The following NREP variants were observed in gnomAD, a reference collection of about 807,000 sequenced individuals.
The protein encoded by NREP is neuronal regeneration related protein, also known as neuronal regeneration-related protein.
NREP carries 5 observed loss-of-function variants against 8.6 expected under a neutral mutation model. The ratio of observed to expected loss-of-function variants is 0.58; its 90% CI spans 0.30 to 1.22. The LOEUF (loss-of-function observed/expected upper bound fraction) is 1.22, where lower values mean the gene tolerates loss of function less well. NREP is among the 50% of genes most tolerant of loss of function. NREP has a pLI of 0.07. For missense variants in NREP, 86 were observed against 82.5 expected (o/e 1.04, Z -0.17); for synonymous variants, 27 against 28.0 (o/e 0.96, Z 0.11).
rs138738482 is a variant in NREP, at chr5:111,781,348, G to A, written c.136-45841C>T. On this transcript the variant is annotated intron_variant, in intron 2 of 3. Coordinates refer to the NREP transcript ENST00000395634. ...AACAGTGCCACCCCTACGTGAGGAAGTCCATGCAACATGGAAAGGCCACGT... is the reference window on the plus strand; with the variant it reads ...AACAGTGCCACCCCTACGTGAGGAAATCCATGCAACATGGAAAGGCCACGT... Among the ~76,000 whole-genome samples, 1,480 of 152,246 alleles carry A rather than the reference G, an allele frequency of 9.7e-3. 23 individuals carry two copies. Among genetic ancestry groups the A allele is most frequent in the African/African-American group, 0.033 (1,388 of 41,556 alleles).
At chr5:111,843,872 T>C (rs1226470498) in intron 2 of NREP, among the ~76,000 whole-genome samples, 1 of 152,214 alleles carries the variant, frequency 6.6e-6, no homozygotes, top group Non-Finnish European at 1.5e-5. Context: ...AGAGCCTGGG[T>C]TCACAGAGGA....
chr5:111,771,308 C>A (rs919951695), intron 2 of NREP, among the ~76,000 whole-genome samples: 5 of 152,112 alleles, frequency 3.3e-5, no homozygotes, highest in Non-Finnish European at 7.4e-5. Context: ...TTCGTTAACT[C>A]ATTTTAACAG....
intron 2 of NREP, among the ~76,000 whole-genome samples, chr5:111,847,742 C>T (rs1753217553): frequency 1.3e-5 from 2 of 152,118 alleles, no homozygotes; most frequent in Admixed American, 1.3e-4. Flanking sequence ...CAAATGGCTC[C>T]AGCTGTTTAC....
At position 111,897,881 on chromosome 5, in the gene NREP, A is replaced by C. The variant is rs150105682; in HGVS notation, c.135+77393T>G. 4.1e-3 allele frequency among the ~76,000 whole-genome samples: 629 copies of C among 152,282 alleles called. 8 individuals are homozygous for C. Among genetic ancestry groups the C allele is most frequent in the African/African-American group, 0.014 (592 of 41,574 alleles). ...TTACCCATATTCTCACTAATCAAAG[A>C]TGAGGTAAAATTTGATTGCTTTTTT... is the stretch of plus-strand genomic sequence containing the variant. On this transcript the variant is annotated intron_variant, in intron 2 of 3. Coordinates refer to the NREP transcript ENST00000395634.
At chr5:111,763,750 CTGTA>C (rs1020936758) in intron 2 of NREP, among the ~76,000 whole-genome samples, 3 of 107,318 alleles carry the variant, frequency 2.8e-5, no homozygotes, top group African/African-American at 1.3e-4. Flanking sequence ...CCCAGTACGT[CTGTA>C]TGTGTGTGTG....
intron 2 of NREP, among the ~76,000 whole-genome samples, chr5:111,893,399 T>G (rs2112536864): frequency 6.6e-6 from 1 of 152,138 alleles, no homozygotes; most frequent in South Asian, 2.1e-4. Context: ...AGGTAAATTC[T>G]TACAGCTTTT....
intron 2 of NREP, among the ~76,000 whole-genome samples, chr5:111,843,013 T>C (rs2112951127): frequency 6.6e-6 from 1 of 152,302 alleles, no homozygotes; most frequent in East Asian, 1.9e-4. Context: ...TTACAATGTG[T>C]CGTGGTGAAG....
intron 2 of NREP, among the ~76,000 whole-genome samples, chr5:111,873,034 T>C (rs1226429382): frequency 6.6e-6 from 1 of 152,168 alleles, no homozygotes; most frequent in East Asian, 1.9e-4. Flanking sequence ...CTGCAAGGTA[T>C]CATTGAGCTA....
At chr5:111,798,827 C>T (rs374731131) in intron 2 of NREP, among the ~76,000 whole-genome samples, 7 of 150,760 alleles carry the variant, frequency 4.6e-5, no homozygotes, top group Middle Eastern at 3.2e-3. Context: ...ACTCATTGAT[C>T]GATGGGCATT....
intron 2 of NREP, among the ~76,000 whole-genome samples, chr5:111,766,024 A>G (rs908815407): frequency 1.5e-3 from 222 of 152,312 alleles, no homozygotes; most frequent in Non-Finnish European, 2.6e-3. Context: ...AAACTAAAAA[A>G]CTGAGGTTCC....
At chr5:111,880,044 C>A (rs1754011404) in intron 2 of NREP, among the ~76,000 whole-genome samples, 1 of 152,106 alleles carries the variant, frequency 6.6e-6, no homozygotes, top group Non-Finnish European at 1.5e-5. Context: ...ATATTCATTT[C>A]CTTAAGTAGA....
intron 2 of NREP, among the ~76,000 whole-genome samples, chr5:111,767,757 C>T (rs990924325): frequency 1.3e-5 from 2 of 152,222 alleles, no homozygotes; most frequent in East Asian, 3.9e-4. Flanking sequence ...ACTCCACCTC[C>T]TAGTCTCAAG....
At chr5:111,934,867 A>T (rs1755638140) in intron 2 of NREP, among the ~76,000 whole-genome samples, 1 of 152,016 alleles carries the variant, frequency 6.6e-6, no homozygotes, top group Admixed American at 6.6e-5. Context: ...CAATAATTCC[A>T]GCCAGACTTA....
intron 2 of NREP, among the ~76,000 whole-genome samples, chr5:111,955,300 C>CA (rs1320089770): frequency 6.6e-6 from 1 of 151,820 alleles, no homozygotes; most frequent in Non-Finnish European, 1.5e-5. Flanking sequence ...CCTCATCCTA[C>CA]AAAAAATGAG....
Position 111,814,744 on chromosome 5 carries a change from A to G in NREP, c.136-79237T>C, listed in dbSNP as rs537247706. ...ATAAGCAAAGAGACTTGGGAAGGCTAAAAGAATGGGAGTATATGCAAAATA... is the reference window on the plus strand; with the variant it reads ...ATAAGCAAAGAGACTTGGGAAGGCTGAAAGAATGGGAGTATATGCAAAATA... On this transcript the variant is annotated intron_variant, in intron 2 of 3. Transcript: ENST00000395634. Among the ~76,000 whole-genome samples the G allele has an allele frequency of 1.1e-3, 175 of 152,220 alleles. 1 individual carries two copies. The highest frequency in any genetic ancestry group is 3.9e-3 in the African/African-American group (163 of 41,562).
chr5:111,944,512 T>G (rs1226048002), intron 2 of NREP, among the ~76,000 whole-genome samples: 1 of 152,136 alleles, frequency 6.6e-6, no homozygotes, highest in Non-Finnish European at 1.5e-5. Context: ...CTTGCCATGT[T>G]GCCCAAGGTG....
intron 2 of NREP, among the ~76,000 whole-genome samples, chr5:111,740,893 T>TATCA (rs1208292947): frequency 1.3e-5 from 2 of 152,214 alleles, no homozygotes; most frequent in African/African-American, 2.4e-5. Context: ...TTACTGTCTT[T>TATCA]ATCAATATTT....
intron 2 of NREP, among the ~76,000 whole-genome samples, chr5:111,959,459 A>C (rs1291069792): frequency 6.6e-6 from 1 of 152,008 alleles, no homozygotes; most frequent in African/African-American, 2.4e-5. Flanking sequence ...CATTAGCTAA[A>C]TTTAAAATTT....
chr5:111,917,917 T>C (rs532141655), intron 2 of NREP, among the ~76,000 whole-genome samples: 40 of 152,260 alleles, frequency 2.6e-4, no homozygotes, highest in African/African-American at 9.1e-4. Context: ...GGAAGTCAAA[T>C]TGTCTCTGTT....
Sources: allele counts gnomAD v4.1 joint callset (sites outside exome capture counted in the v4.1 genomes callset), GRCh38; gene constraint gnomAD v4.1.1; transcripts MANE v1.5; gene names NCBI Gene and HGNC (gene_info 2026-07-23, HGNC 2026-07-21).